The following DMD variants were observed in gnomAD, a reference collection of about 807,000 sequenced individuals.
The protein encoded by DMD is mutant dystrophin.
DMD carries 63 observed loss-of-function variants against 330.1 expected under a neutral mutation model. That is an observed-to-expected ratio of 0.19 (90% CI 0.16 to 0.24). DMD has a LOEUF of 0.24. Among genes scored for constraint, DMD ranks in the 10% least tolerant of loss-of-function variants. DMD has a pLI of 1.00. For synonymous variants in DMD, 1,223 were observed against 959.8 expected, an observed-to-expected ratio of 1.27 and a Z score of -5.07; for missense variants, 3,344 against 2,684.1, an observed-to-expected ratio of 1.25 and a Z score of -5.43.
At chrX:31,325,072 A>G (rs757357810) in intron 61 of DMD, among the ~76,000 whole-genome samples, 1 of 111,981 alleles carries the variant, frequency 8.9e-6, no homozygotes, top group Non-Finnish European at 1.9e-5. Context: ...GGAAATTTTT[A>G]ATACAGAGAA....
intron 44 of DMD, among the ~76,000 whole-genome samples, chrX:32,211,167 T>C (rs1313518551): frequency 1.8e-5 from 2 of 111,951 alleles, no homozygotes; most frequent in Non-Finnish European, 3.8e-5. Context: ...ATCTGAGAGA[T>C]CACAGCAGGG....
intron 7 of DMD, among the ~76,000 whole-genome samples, chrX:32,764,961 T>G (rs1003454757): frequency 6.7e-5 from 3 of 44,935 alleles, no homozygotes; most frequent in South Asian, 9.4e-4. Context: ...TTCTGGGTTT[T>G]TTTTTTTTTT....
chrX:31,557,601 T>C (rs1056737510), intron 55 of DMD, among the ~76,000 whole-genome samples: 1 of 112,267 alleles, frequency 8.9e-6, no homozygotes, highest in Middle Eastern at 4.6e-3. Flanking sequence ...TAGTACATTG[T>C]TTAACACTTA....
At chrX:32,951,741 T>G (rs2146942486) in intron 2 of DMD, among the ~76,000 whole-genome samples, 1 of 111,755 alleles carries the variant, frequency 8.9e-6, no homozygotes, top group East Asian at 2.8e-4. Context: ...CCTGAAATAT[T>G]TTATTCATTT....
chrX:33,255,449 C>T (rs758377500), intron 1 of DMD, among the ~76,000 whole-genome samples: 67 of 111,155 alleles, frequency 6.0e-4, no homozygotes, highest in Non-Finnish European at 1.1e-3. Flanking sequence ...ATCAAATTTA[C>T]TAATATTAGT....
intron 44 of DMD, among the ~76,000 whole-genome samples, chrX:32,096,512 G>GAAAGCTC (rs1378029684): frequency 1.3e-3 from 144 of 108,956 alleles, no homozygotes; most frequent in African/African-American, 4.2e-3. Flanking sequence ...GATAACAGTA[G>GAAAGCTC]AAAGCTCAAA....
intron 30 of DMD, among the ~76,000 whole-genome samples, chrX:32,403,407 T>C: frequency 8.9e-6 from 1 of 111,891 alleles, no homozygotes; most frequent in East Asian, 2.8e-4. Context: ...TCCTTATATG[T>C]AGAATTTGTA....
chrX:33,314,563 T>G, intron 1 of DMD, among the ~76,000 whole-genome samples: 1 of 63,615 alleles, frequency 1.6e-5, no homozygotes, highest in Middle Eastern at 8.4e-3. Context: ...CAGCCTGTTT[T>G]TTTTTTGTTT....
At chrX:32,860,884 T>A (rs1407708456) in intron 2 of DMD, among the ~76,000 whole-genome samples, 1 of 111,824 alleles carries the variant, frequency 8.9e-6, no homozygotes, top group East Asian at 2.8e-4. Context: ...AGAAAAATGC[T>A]GGTTTTGTAT....
chrX:32,038,819 T>A lies in DMD; in HGVS notation c.6439-70305A>T, dbSNP rs1183432482. Among the ~76,000 whole-genome samples the A allele has an allele frequency of 6.3e-5, 7 of 111,533 alleles. No homozygotes were observed. The East Asian group carries it at 1.7e-3, about 27-fold the overall frequency. On this transcript the variant is annotated intron_variant, in intron 44 of 78. Transcript: ENST00000357033. The stretch of plus-strand genomic sequence containing the variant: ...CTGTTAGTCATTGCATATAAACAGG[T>A]TGGCTAAAATCAAATTTTAAAATGT...
At chrX:31,515,898 A>G (rs1194619390) in intron 55 of DMD, among the ~76,000 whole-genome samples, 1 of 112,547 alleles carries the variant, frequency 8.9e-6, no homozygotes, top group African/African-American at 3.2e-5. Context: ...AAATGACCAA[A>G]TGACTGTTAT....
chrX:31,309,014 C>A (rs781199943), intron 62 of DMD, among the ~76,000 whole-genome samples: 55 of 111,816 alleles, frequency 4.9e-4, no homozygotes, highest in Non-Finnish European at 9.8e-4. Context: ...CAGGTGTGAG[C>A]CACCACGCCT....
At position 32,485,585 on chromosome X, in the gene DMD, G is replaced by C. The variant is rs777136799; in HGVS notation, c.2623-486C>G. The stretch of plus-strand genomic sequence containing the variant: ...TATACTATAATTATAAATATATTTT[G>C]ATACAATTATATAGATTATATACAC... On this transcript the variant is annotated intron_variant, in intron 20 of 78. Transcript: ENST00000357033. Among the ~76,000 whole-genome samples, 182 of 107,880 alleles carry C rather than the reference G, an allele frequency of 1.7e-3. 1 individual carries two copies. The highest frequency in any genetic ancestry group is 6.0e-3 in the African/African-American group (178 of 29,902). The allele number at this position is 107,880 out of a possible 115,157, so 93.7% of individuals were successfully genotyped here.
At chrX:32,236,435 G>A (rs768272) in intron 43 of DMD, among the ~76,000 whole-genome samples, 10,898 of 111,462 alleles carry the variant, frequency 0.098, 591 homozygotes, top group East Asian at 0.46. Flanking sequence ...GTTCCAGTCC[G>A]ATGGGAGTAC....
intron 2 of DMD, among the ~76,000 whole-genome samples, chrX:32,917,158 T>C (rs951373670): frequency 3.1e-5 from 3 of 96,559 alleles, no homozygotes; most frequent in African/African-American, 8.6e-5. Flanking sequence ...AGTGTGGCAC[T>C]TCCCCCCCCC....
chrX:33,288,941 G>A (rs780975068), intron 1 of DMD, among the ~76,000 whole-genome samples: 1 of 111,374 alleles, frequency 9.0e-6, no homozygotes, highest in South Asian at 3.8e-4. Context: ...AAGCAAATAT[G>A]ACCTGAGCTA....
intron 44 of DMD, among the ~76,000 whole-genome samples, chrX:32,030,441 G>A (rs1006582076): frequency 7.1e-5 from 8 of 112,073 alleles, no homozygotes; most frequent in African/African-American, 2.3e-4. Flanking sequence ...AGTCTGTGAA[G>A]GAAATTATGT....
At chrX:32,776,085 GC>G (rs1380336024) in intron 7 of DMD, among the ~76,000 whole-genome samples, 1 of 111,581 alleles carries the variant, frequency 9.0e-6, no homozygotes, top group African/African-American at 3.3e-5. Flanking sequence ...TAGGGAAGGG[GC>G]AAAATGCCAC....
At position 31,943,878 on chromosome X, in the gene DMD, T is replaced by TGAGAGAGAGAGAGA. The variant is rs536982335; in HGVS notation, c.6615-11665_6615-11652dup. ...CGGAAACCCGAAGTTCCCCAGAGAG[T>TGAGAGAGAGAGAGA]GAGAGAGAGAGAGAGAGAGAGAGAG... On this transcript the variant is annotated intron_variant, in intron 45 of 78. Transcript: ENST00000357033. Among the ~76,000 whole-genome samples the TGAGAGAGAGAGAGA allele has an allele frequency of 4.6e-4, 34 of 74,491 alleles. 2 individuals are homozygous for TGAGAGAGAGAGAGA. Among genetic ancestry groups the TGAGAGAGAGAGAGA allele is most frequent in the East Asian group, 1.4e-3 (3 of 2,206 alleles). 64.7% of individuals were successfully genotyped at this position (74,491 alleles called of 115,157 possible).
Sources: gnomAD v4.1 joint callset for allele counts (sites outside exome capture counted in the v4.1 genomes callset) on GRCh38, gnomAD v4.1.1 for gene constraint, MANE v1.5 for transcripts, NCBI Gene and HGNC (gene_info 2026-07-23, HGNC 2026-07-21) for gene names.